HK2: variants seen among roughly 807,000 people sequenced by gnomAD.
HK2 encodes hexokinase-2.
HK2 carries 42 observed loss-of-function variants against 92.9 expected under a neutral mutation model. The ratio of observed to expected loss-of-function variants is 0.45; its 90% confidence interval spans 0.35 to 0.58. The LOEUF is 0.58. HK2 is among the 20% of genes least tolerant of loss of function. The pLI, the probability that HK2 is intolerant of heterozygous loss-of-function variation, is 0.00. For missense variants in HK2, 978 were observed against 1,245.1 expected, an observed-to-expected ratio of 0.79 and a Z score of 3.23; for synonymous variants, 422 against 468.0, an observed-to-expected ratio of 0.90 and a Z score of 1.27.
chr2:74,887,101 G>T (rs1344968101), intron 15 of HK2, among the ~76,000 whole-genome samples: 2 of 152,250 alleles, frequency 1.3e-5, no homozygotes, highest in Non-Finnish European at 2.9e-5. Context: ...CATGGTAGGG[G>T]AGCGGGGTCT....
intron 1 of HK2, among the ~76,000 whole-genome samples, chr2:74,848,497 TA>T (rs1443791434): frequency 1.3e-5 from 2 of 152,208 alleles, no homozygotes; most frequent in East Asian, 3.8e-4. Context: ...TATGTTTCTG[TA>T]CACTAGTGCT....
At chr2:74,867,936 C>T (rs1208038876) in intron 3 of HK2, 152 bp downstream of exon 3, 30 of 853,438 alleles carry the variant, frequency 3.5e-5, no homozygotes, top group African/African-American at 6.6e-5. Context: ...CCCTCTCAGC[C>T]GGAGCTCAGG....
chr2:74,851,114 C>T (rs1380473742), intron 1 of HK2, among the ~76,000 whole-genome samples: 2 of 152,156 alleles, frequency 1.3e-5, no homozygotes, highest in Non-Finnish European at 2.9e-5. Flanking sequence ...AGTGCCCATC[C>T]ACACTAAGAG....
In HK2 at chr2:74,880,355, T is replaced by A. The variant is rs759115889; in HGVS notation, c.1356T>A (p.Gly452=). The change falls in exon 10 of 18, where the codon GGT becomes GGA. Residue 452 remains glycine, a synonymous_variant. Coordinates refer to ENST00000290573, the MANE Select transcript of HK2 (RefSeq NM_000189.5). ...GCTCCGAGGATGGCAGTGGCAAAGG[T>A]GCAGCCATGGTGACAGCAGTGGCTT... ...FLRSEDGSGK[G]AAMVTAVAYR... is the part of the protein sequence containing the mutation. 1.9e-6 allele frequency: 3 copies of A among 1,614,196 alleles called. No homozygotes were observed. Among genetic ancestry groups the A allele is most frequent in the Non-Finnish European group, 2.5e-6 (3 of 1,180,044 alleles).
At chr2:74,856,405 T>TGGG in intron 2 of HK2, among the ~76,000 whole-genome samples, 1 of 152,152 alleles carries the variant, frequency 6.6e-6, no homozygotes, top group Non-Finnish European at 1.5e-5. Context: ...AAAGAGCCCC[T>TGGG]CGAGGTGAGG....
chr2:74,877,902 T>G (rs929924421), intron 8 of HK2, among the ~76,000 whole-genome samples: 1 of 152,194 alleles, frequency 6.6e-6, no homozygotes, highest in African/African-American at 2.4e-5. Context: ...GTTCTTGAGA[T>G]TTCCACTTGT....
At position 74,873,358 on chromosome 2, in the gene HK2, T is replaced by C; in HGVS notation, c.578T>C (p.Ile193Thr). The C allele has an allele frequency of 6.2e-7, 1 of 1,613,560 alleles. No homozygotes were observed. Among genetic ancestry groups the C allele is most frequent in the Non-Finnish European group, 8.5e-7 (1 of 1,179,486 alleles). The change falls in exon 5 of 18, where the codon ATC (isoleucine) becomes ACC (threonine). Residue 193 changes from isoleucine to threonine, a missense_variant. Physicochemically the swap from Ile to Thr is moderately conservative, Grantham distance 89 (BLOSUM62 -1). This residue lies in a region of HK2 where 189 missense variants were observed against 289.5 expected (regional missense o/e 0.65). Transcript: ENST00000290573. ...RDVVALIRKA[I>T]QRRGDFDIDI... ...GTTGTGGCTCTGATCCGGAAGGCCA[T>C]CCAGAGGAGAGGGGTGAGTGGGGTG...
Position 74,889,231 on chromosome 2 carries a change from C to A in HK2, c.2376-14C>A. Reference sequence around the variant, plus strand: ...GTGCATGACTGAACACTTGCTGTCTCCCTCCCACCCCAGTGACTGCCTGGC... The same window carrying A: ...GTGCATGACTGAACACTTGCTGTCTACCTCCCACCCCAGTGACTGCCTGGC... On this transcript the variant is annotated splice_polypyrimidine_tract_variant and intron_variant, in intron 16 of 17. Transcript: ENST00000290573. The A allele has an allele frequency of 6.2e-7, 1 of 1,605,388 alleles. No individual in the cohort carries two copies. Among genetic ancestry groups the A allele is most frequent in the Non-Finnish European group, 8.5e-7 (1 of 1,174,252 alleles).
chr2:74,850,145 A>G (rs972203524), intron 1 of HK2, among the ~76,000 whole-genome samples: 30 of 152,342 alleles, frequency 2.0e-4, no homozygotes, highest in African/African-American at 6.5e-4. Flanking sequence ...CGTTATTGGC[A>G]TATTGGAAAC....
chr2:74,837,464 T>G (rs1688194463), intron 1 of HK2, among the ~76,000 whole-genome samples: 2 of 152,160 alleles, frequency 1.3e-5, no homozygotes, highest in African/African-American at 4.8e-5. Context: ...TCATCAACTC[T>G]CTAACTCTGT....
intron 1 of HK2, among the ~76,000 whole-genome samples, chr2:74,840,652 G>C (rs910883078): frequency 7.6e-4 from 114 of 150,454 alleles, no homozygotes; most frequent in Non-Finnish European, 1.3e-3. Context: ...CGGATCACGA[G>C]GTCAGGATAT....
intron 5 of HK2, 78 bp downstream of exon 5, chr2:74,873,449 C>G (rs1689148619): frequency 1.1e-6 from 1 of 947,640 alleles, no homozygotes. Context: ...GTCCTTGACT[C>G]ATCATTGTTT....
intron 2 of HK2, among the ~76,000 whole-genome samples, chr2:74,858,168 G>T (rs533077673): frequency 6.6e-6 from 1 of 152,256 alleles, no homozygotes; most frequent in South Asian, 2.1e-4. Context: ...TAAATTTGGG[G>T]ACCAGAATTT....
intron 10 of HK2, 112 bp from the exon 11 acceptor site, chr2:74,881,598 TA>T: frequency 9.6e-7 from 1 of 1,042,052 alleles, no homozygotes; most frequent in South Asian, 1.3e-5. Flanking sequence ...GAATGTAATA[TA>T]AAGTGGCATT....
At chr2:74,877,138 T>G (rs200191687) in intron 7 of HK2, 28 bp from the exon 8 acceptor site, 1 of 1,613,092 alleles carries the variant, frequency 6.2e-7, no homozygotes, top group African/African-American at 1.3e-5. Flanking sequence ...GTGGGGACTT[T>G]ATGTTTTTGG....
chr2:74,872,887 C>T (rs531462952), intron 4 of HK2, among the ~76,000 whole-genome samples: 1 of 152,242 alleles, frequency 6.6e-6, no homozygotes, highest in South Asian at 2.1e-4. Context: ...TACTACACAC[C>T]TAGGCTGTAT....
rs948053734 is a variant in HK2 at position 74,834,873 on chromosome 2, C to G, written c.63+230C>G. Among the ~76,000 whole-genome samples the G allele has an allele frequency of 1.3e-5, 2 of 152,212 alleles. No homozygotes were observed. The highest frequency in any genetic ancestry group is 3.9e-4 in the East Asian group (2 of 5,176). ...AGGTCGCGCTCCGCCGGGCGCCCTC[C>G]CTCCCTGAGCTCCGGCACGCGCTCA... is the stretch of plus-strand genomic sequence containing the variant. On this transcript the variant is annotated intron_variant, in intron 1 of 17. Transcript: ENST00000290573. The surrounding 1 kb of genome is among the most constrained non-coding windows in gnomAD (Gnocchi z 4.2).
chr2:74,871,462 C>T (rs1689097010), intron 3 of HK2, among the ~76,000 whole-genome samples: 1 of 152,182 alleles, frequency 6.6e-6, no homozygotes, highest in Non-Finnish European at 1.5e-5. Context: ...TCAGCAGCTT[C>T]TCTTTGAGCG....
chr2:74,890,336 T>A (rs1689644774), intron 17 of HK2, among the ~76,000 whole-genome samples: 1 of 152,210 alleles, frequency 6.6e-6, no homozygotes, highest in South Asian at 2.1e-4. Context: ...TTGCCTCCGA[T>A]GACATTTTGG....
Sources: allele counts gnomAD v4.1 joint callset (sites outside exome capture counted in the v4.1 genomes callset), GRCh38; gene constraint gnomAD v4.1.1; regional missense constraint gnomAD v4.1.1; non-coding constraint Gnocchi (gnomAD v3.1); transcripts MANE v1.5; gene names NCBI Gene and HGNC (gene_info 2026-07-23, HGNC 2026-07-21).